COX7B2: variants seen among roughly 807,000 people sequenced by gnomAD.
COX7B2 encodes cytochrome c oxidase subunit 7B2.
For synonymous variants in COX7B2, 37 were observed against 32.1 expected (o/e 1.15, Z -0.51); for missense variants, 109 against 95.9 (o/e 1.14, Z -0.57).
chr4:46,848,346 A>G (rs1716431082), intron 1 of COX7B2, among the ~76,000 whole-genome samples: 3 of 152,096 alleles, frequency 2.0e-5, no homozygotes, highest in African/African-American at 7.2e-5. Context: ...CAAAAAAATC[A>G]ATACAATCAA....
At chr4:46,847,138 G>A (rs1332924764) in intron 1 of COX7B2, among the ~76,000 whole-genome samples, 1 of 151,982 alleles carries the variant, frequency 6.6e-6, no homozygotes, top group East Asian at 1.9e-4. Flanking sequence ...GCCCTCAAGT[G>A]GACAGACTCA....
In COX7B2 at chr4:46,734,924, T is replaced by G; in HGVS notation, c.*23A>C. The G allele has an allele frequency of 6.2e-7, 1 of 1,613,816 alleles. No individual in the cohort carries two copies. Among genetic ancestry groups the G allele is most frequent in the Non-Finnish European group, 8.5e-7 (1 of 1,179,778 alleles). ...GACAAGTTGGTTTTTTAAACAATTC[T>G]GTCATTACAGCAACTGTGATGGTTA... On this transcript the variant is annotated 3_prime_UTR_variant, in exon 3 of 3. Transcript: ENST00000355591.
At chr4:46,773,511 A>G (rs1716992844) in intron 2 of COX7B2, among the ~76,000 whole-genome samples, 1 of 152,144 alleles carries the variant, frequency 6.6e-6, no homozygotes, top group Non-Finnish European at 1.5e-5. Context: ...ACCCAGTCTC[A>G]GGCAGTTCTT....
At chr4:46,764,396 T>C (rs1054494931) in intron 2 of COX7B2, among the ~76,000 whole-genome samples, 1 of 151,634 alleles carries the variant, frequency 6.6e-6, no homozygotes, top group South Asian at 2.1e-4. Flanking sequence ...AATACAAAAA[T>C]TAGCTGGGTG....
intron 1 of COX7B2, among the ~76,000 whole-genome samples, chr4:46,855,821 CTG>C (rs1477743998): frequency 1.3e-5 from 2 of 152,018 alleles, no homozygotes; most frequent in African/African-American, 4.8e-5. Context: ...AAACAGAAAA[CTG>C]TTTACAATGA....
chr4:46,888,503 G>A, intron 1 of COX7B2, among the ~76,000 whole-genome samples: 1 of 151,352 alleles, frequency 6.6e-6, no homozygotes, highest in East Asian at 1.9e-4. Context: ...GAGTGCAGTG[G>A]CGCGATCTAG....
intron 1 of COX7B2, among the ~76,000 whole-genome samples, chr4:46,884,178 T>G (rs12506793): frequency 0.52 from 74,760 of 144,098 alleles, 19,322 homozygotes; most frequent in East Asian, 0.67. Flanking sequence ...GGGGGCCAGT[T>G]GGGGGGTGGT....
At chr4:46,780,662 T>C (rs1717399668) in intron 2 of COX7B2, among the ~76,000 whole-genome samples, 1 of 152,248 alleles carries the variant, frequency 6.6e-6, no homozygotes, top group Admixed American at 6.5e-5. Context: ...TACATATACT[T>C]GAAACATAAA....
intron 1 of COX7B2, among the ~76,000 whole-genome samples, chr4:46,905,370 G>T (rs17598861): frequency 2.6e-5 from 4 of 151,956 alleles, no homozygotes; most frequent in African/African-American, 9.7e-5. Context: ...AACCCTAAAA[G>T]AGTTATCCCA....
chr4:46,776,453 T>C (rs1181866837), intron 2 of COX7B2, among the ~76,000 whole-genome samples: 1 of 151,238 alleles, frequency 6.6e-6, no homozygotes, highest in Non-Finnish European at 1.5e-5. Flanking sequence ...TGTGTGTGCA[T>C]TAGAAAGAAA....
intron 1 of COX7B2, among the ~76,000 whole-genome samples, chr4:46,896,404 T>A (rs892554285): frequency 9.2e-5 from 14 of 152,186 alleles, no homozygotes; most frequent in African/African-American, 3.4e-4. Flanking sequence ...ACATACCCAA[T>A]AAATGCAATA....
At chr4:46,738,831 G>T (rs752143927) in intron 2 of COX7B2, among the ~76,000 whole-genome samples, 8 of 152,014 alleles carry the variant, frequency 5.3e-5, no homozygotes, top group Non-Finnish European at 1.0e-4. Flanking sequence ...CAAAGTAAAA[G>T]TTCCCTCATG....
chr4:46,882,684 T>G (rs1484508713), intron 1 of COX7B2, among the ~76,000 whole-genome samples: 1 of 152,170 alleles, frequency 6.6e-6, no homozygotes, highest in Non-Finnish European at 1.5e-5. Flanking sequence ...CCTATGAGTG[T>G]TATTATACAT....
rs1295998244 is a variant in COX7B2 at position 46,789,504 on chromosome 4, C to T, written c.-49-54263G>A. 2.6e-5 allele frequency among the ~76,000 whole-genome samples: 4 copies of T among 152,250 alleles called. No individual in the cohort carries two copies. The South Asian group carries it at 6.2e-4, about 24-fold the overall frequency. The stretch of plus-strand genomic sequence containing the variant: ...AATTTCATTGATCTACCACTGCTCA[C>T]GATTACCGTGGAAATCCAAGAACTT... On this transcript the variant is annotated intron_variant, in intron 2 of 2. Transcript: ENST00000355591.
intron 1 of COX7B2, among the ~76,000 whole-genome samples, chr4:46,883,128 A>C (rs1197884559): frequency 3.3e-5 from 5 of 152,236 alleles, no homozygotes; most frequent in African/African-American, 1.2e-4. Context: ...ACTGAATCAT[A>C]GGTAAAGCCG....
intron 1 of COX7B2, among the ~76,000 whole-genome samples, chr4:46,880,712 T>G (rs1718661652): frequency 6.7e-6 from 1 of 148,324 alleles, no homozygotes; most frequent in Admixed American, 6.6e-5. Context: ...CTAATCTATT[T>G]TATTCCTTTA....
In COX7B2 at chr4:46,735,241, G is replaced by C; in HGVS notation, c.-49C>G. ...TACTGGTCTATTTTGTTGCAAAGAG[G>C]CTGGAAAGAGAGAAAAGATATGCAT... On this transcript the variant is annotated splice_region_variant and 5_prime_UTR_variant, in exon 3 of 3. Transcript: ENST00000355591. 3 of 1,601,360 alleles carry C rather than the reference G, an allele frequency of 1.9e-6. No individual in the cohort carries two copies. Among genetic ancestry groups the C allele is most frequent in the Non-Finnish European group, 8.5e-7 (1 of 1,175,194 alleles).
intron 2 of COX7B2, among the ~76,000 whole-genome samples, chr4:46,759,725 G>A (rs1263987842): frequency 1.3e-5 from 2 of 151,706 alleles, no homozygotes. Context: ...TGGGGAAATA[G>A]GAATACTCTC....
rs962730762 is a variant in COX7B2 at position 46,759,315 on chromosome 4, C to T, written c.-49-24074G>A. On this transcript the variant is annotated intron_variant, in intron 2 of 2. Transcript: ENST00000355591. ...AGATCAACTATGAGGAAAATATATT[C>T]AATATACTCAGAGATTTTTTTCTAA... is the stretch of plus-strand genomic sequence containing the variant. Among the ~76,000 whole-genome samples the T allele has an allele frequency of 3.1e-4, 47 of 151,850 alleles. 1 individual carries two copies. Among genetic ancestry groups the T allele is most frequent in the Admixed American group, 2.0e-4 (3 of 15,218 alleles).
Sources: gnomAD v4.1 joint callset for allele counts (sites outside exome capture counted in the v4.1 genomes callset) on GRCh38, gnomAD v4.1.1 for gene constraint, MANE v1.5 for transcripts, NCBI Gene and HGNC (gene_info 2026-07-23, HGNC 2026-07-21) for gene names.